The following TTLL12 variants were observed in gnomAD, a reference collection of about 807,000 sequenced individuals.
TTLL12 encodes the protein tubulin tyrosine ligase like 12, also known as tubulin--tyrosine ligase-like protein 12.
In TTLL12, 77 loss-of-function variants were observed where a neutral mutation model predicts 79.6. That is an observed-to-expected ratio of 0.97 (90% CI 0.81 to 1.17). The LOEUF (loss-of-function observed/expected upper bound fraction) is 1.17, where lower values mean the gene tolerates loss of function less well. Among genes scored for constraint, TTLL12 ranks in the 50% most tolerant of loss-of-function variants. TTLL12 has a pLI of 0.00. For synonymous variants in TTLL12, 437 were observed against 376.1 expected, an observed-to-expected ratio of 1.16 and a Z score of -1.87; for missense variants, 969 against 895.9, an observed-to-expected ratio of 1.08 and a Z score of -1.04.
rs746366836 is a variant in TTLL12, at chr22:43,180,733, C to T, written c.546+9G>A. 1.2e-6 allele frequency: 2 copies of T among 1,612,458 alleles called. No individual in the cohort carries two copies. The highest frequency in any genetic ancestry group is 8.5e-7 in the Non-Finnish European group (1 of 1,179,770). On this transcript the variant is annotated intron_variant, in intron 3 of 13. Transcript: ENST00000216129. ...CCTCCCCCTCCCCGGGGCCCAGCTA[C>T]CCACTCACCCCATGGGCCAGCTGGT...
At chr22:43,171,686 T>C (rs1403169111) in intron 11 of TTLL12, 133 bp downstream of exon 11, 21 of 672,750 alleles carry the variant, frequency 3.1e-5, no homozygotes, top group South Asian at 5.4e-5. Context: ...TCGCCTTCCA[T>C]AGCAGGAACT....
chr22:43,168,679 C>T (rs2147065138), intron 13 of TTLL12, 95 bp downstream of exon 13: 1 of 1,499,624 alleles, frequency 6.7e-7, no homozygotes, highest in East Asian at 2.5e-5. Context: ...AGCCAGAGGA[C>T]AGCCTGGGGC....
rs995173076 is a variant in TTLL12 at position 43,167,906 on chromosome 22, C to G, written c.*102G>C. 6.8e-7 allele frequency: 1 copy of G among 1,466,936 alleles called. No homozygotes were observed. Among genetic ancestry groups the G allele is most frequent in the Non-Finnish European group, 9.3e-7 (1 of 1,076,812 alleles). 90.9% of individuals were successfully genotyped at this position (1,466,936 alleles called of 1,614,324 possible). ...AGAGGCCTGGGGCTGAGGCTATGCC[C>G]AGGGCCGGTGTGGGGAGGGACATGG... On this transcript the variant is annotated 3_prime_UTR_variant, in exon 14 of 14. Coordinates refer to ENST00000216129, the MANE Select transcript of TTLL12 (RefSeq NM_015140.4).
In TTLL12 at chr22:43,174,632, A is replaced by G. The variant is rs769795595; in HGVS notation, c.918-17T>C. 5.1e-6 allele frequency: 8 copies of G among 1,574,186 alleles called. No homozygotes were observed. The highest frequency in any genetic ancestry group is 6.9e-6 in the Non-Finnish European group (8 of 1,153,788). On this transcript the variant is annotated splice_polypyrimidine_tract_variant and intron_variant, in intron 6 of 13. Transcript: ENST00000216129. ...GTGTAGACCCTGTGGGGAGAGCCCG[A>G]GCTGGGTGATCCCGGCTCCCAAGTG...
chr22:43,180,016 A>G lies in TTLL12; in HGVS notation c.547-16T>C. The G allele has an allele frequency of 6.4e-7, 1 of 1,566,250 alleles. No homozygotes were observed. The highest frequency in any genetic ancestry group is 8.6e-7 in the Non-Finnish European group (1 of 1,156,564). ...CCTCAGCTGTCTGCAGACAGAGCAC[A>G]TATGGCACCTCTCGCTCACCCATCC... On this transcript the variant is annotated splice_polypyrimidine_tract_variant and intron_variant, in intron 3 of 13. Coordinates refer to ENST00000216129, the MANE Select transcript of TTLL12 (RefSeq NM_015140.4).
rs745614356 is a variant in TTLL12, at chr22:43,183,105, C to T, written c.222G>A (p.Glu74=). The T allele has an allele frequency of 1.7e-5, 28 of 1,613,882 alleles. No individual in the cohort carries two copies. Among genetic ancestry groups the T allele is most frequent in the Admixed American group, 5.0e-5 (3 of 60,008 alleles). ...CTGCCTCGTCCTCCTCCTCTTCTAC[C>T]TCCTCCACTTGCATGATCCCAAACA... The part of the protein sequence containing the change: ...GEVFGIMQVE[E]VEEEEDEAAR... The change falls in exon 2 of 14, where the codon GAG becomes GAA. Residue 74 remains glutamate, a synonymous_variant. Transcript: ENST00000216129.
intron 9 of TTLL12, 102 bp from the exon 10 acceptor site, chr22:43,172,656 ACTC>A: frequency 7.7e-7 from 1 of 1,300,050 alleles, no homozygotes; most frequent in Admixed American, 2.0e-5. Flanking sequence ...GCTGCACTTT[ACTC>A]CTCCTTCTGC....
Position 43,168,148 on chromosome 22 carries a change from T to C in TTLL12, c.1795A>G (p.Met599Val), listed in dbSNP as rs1252241740. 14 of 1,613,938 alleles carry C rather than the reference T, an allele frequency of 8.7e-6. No homozygotes were observed. Among genetic ancestry groups the C allele is most frequent in the Non-Finnish European group, 1.2e-5 (14 of 1,179,956 alleles). The change falls in exon 14 of 14, where the codon ATG (methionine) becomes GTG (valine). Residue 599 changes from methionine (M) to valine (V), a missense_variant. By Grantham distance (21) the Met-to-Val change is conservative. Transcript: ENST00000216129. ...TTCACCTCCAGGATCTGCGGCTGCA[T>C]CACCCGCCTTCCTGATGGCAAAGAG... The part of the protein sequence containing the change: ...WDNGPDGRRV[M>V]QPQILEVNFN...
chr22:43,179,801 C>T (rs1932007366), intron 4 of TTLL12, 40 bp downstream of exon 4: 2 of 1,553,272 alleles, frequency 1.3e-6, no homozygotes, highest in African/African-American at 1.4e-5. Context: ...GGACACTGGG[C>T]TGAGGCCCCT....
At chr22:43,177,625 T>C (rs1931948892) in intron 5 of TTLL12, among the ~76,000 whole-genome samples, 1 of 152,182 alleles carries the variant, frequency 6.6e-6, no homozygotes, top group Non-Finnish European at 1.5e-5. Flanking sequence ...ACCTGAGCAC[T>C]CTTATGGAGA....
chr22:43,175,304 C>T (rs1353597659), intron 6 of TTLL12: 2 of 152,300 alleles, frequency 1.3e-5, no homozygotes, highest in African/African-American at 4.8e-5. Context: ...CCCGCCTGGA[C>T]CTGCCGGCCT....
intron 9 of TTLL12, among the ~76,000 whole-genome samples, 196 bp downstream of exon 9, chr22:43,173,519 G>A (rs1931818278): frequency 6.6e-6 from 1 of 152,162 alleles, no homozygotes; most frequent in Non-Finnish European, 1.5e-5. Flanking sequence ...GTCTCCCTAT[G>A]TTGCTCAGGT....
intron 11 of TTLL12, chr22:43,171,563 TC>T: frequency 2.3e-6 from 1 of 432,140 alleles, no homozygotes; most frequent in Non-Finnish European, 4.3e-6. Context: ...GCTGGACCCA[TC>T]CCCCTCTGTG....
At chr22:43,170,177 G>C (rs1375876321) in intron 11 of TTLL12, 2 of 347,488 alleles carry the variant, frequency 5.8e-6, no homozygotes, top group Non-Finnish European at 1.1e-5. Flanking sequence ...CCCAGGCACA[G>C]AGCTCCAGGA....
chr22:43,176,279 C>G lies in TTLL12; in HGVS notation c.917+41G>C, dbSNP rs559080329. The G allele has an allele frequency of 2.1e-6, 3 of 1,455,300 alleles. No homozygotes were observed. The South Asian group carries it at 3.6e-5, about 17-fold the overall frequency. 90.1% of individuals were successfully genotyped at this position (1,455,300 alleles called of 1,614,324 possible). On this transcript the variant is annotated intron_variant, in intron 6 of 13. Transcript: ENST00000216129. Reference sequence around the variant, plus strand: ...CACGAAGCATGGGAGGCGGGGACTGCGGACAAGTCCCAGCCCAAGCAGTGG... The same window carrying G: ...CACGAAGCATGGGAGGCGGGGACTGGGGACAAGTCCCAGCCCAAGCAGTGG...
chr22:43,168,038 G>A lies in TTLL12; in HGVS notation c.1905C>T (p.Pro635=), dbSNP rs1348273118. 25 of 1,613,976 alleles carry A rather than the reference G, an allele frequency of 1.5e-5. 1 individual carries two copies. The highest frequency in any genetic ancestry group is 3.3e-5 in the Admixed American group (2 of 60,002). The change falls in exon 14 of 14, where the codon CCC becomes CCT. Residue 635 remains proline, a synonymous_variant. Transcript: ENST00000216129. ...DVFSTLFLDQ[P]GGCHVTCLV is the part of the protein sequence containing the mutation. ...CAAGGCAGGTAACGTGGCAGCCACC[G>A]GGCTGGTCCAGAAACAAGGTGCTGA... is the stretch of plus-strand genomic sequence containing the variant.
chr22:43,168,061 T>C lies in TTLL12; in HGVS notation c.1882A>G (p.Ser628Gly). ...YHPTFFNDVF[S>G]TLFLDQPGGC... ...CCGGGCTGGTCCAGAAACAAGGTGCTGAAGACGTCGTTGAAGAAGGTGGGG... is the reference window on the plus strand; with the variant it reads ...CCGGGCTGGTCCAGAAACAAGGTGCCGAAGACGTCGTTGAAGAAGGTGGGG... The change falls in exon 14 of 14, where the codon AGC becomes GGC. Residue 628 changes from serine (S) to glycine (G), a missense_variant. Transcript: ENST00000216129. 6.2e-7 allele frequency: 1 copy of C among 1,614,114 alleles called. No individual in the cohort carries two copies. Among genetic ancestry groups the C allele is most frequent in the Non-Finnish European group, 8.5e-7 (1 of 1,179,990 alleles).
chr22:43,176,302 T>TGG lies in TTLL12; in HGVS notation c.917+16_917+17dup, dbSNP rs11315075. 10,163 of 1,483,612 alleles carry TGG rather than the reference T, an allele frequency of 6.9e-3. 9 individuals carry two copies. Among genetic ancestry groups the TGG allele is most frequent in the Admixed American group, 7.7e-3 (392 of 50,632 alleles). 91.9% of individuals were successfully genotyped at this position (1,483,612 alleles called of 1,614,324 possible). On this transcript the variant is annotated intron_variant, in intron 6 of 13. Transcript: ENST00000216129. ...TGCGGACAAGTCCCAGCCCAAGCAG[T>TGG]GGGGGGGGGCTACGCACTTGAAGAT...
At chr22:43,181,016 G>T in intron 2 of TTLL12, 76 bp from the exon 3 acceptor site, 1 of 1,478,762 alleles carries the variant, frequency 6.8e-7, no homozygotes, top group Non-Finnish European at 9.1e-7. Context: ...AAGAGGCCCA[G>T]GGCTGTGTTG....
Sources: gnomAD v4.1 joint callset for allele counts (sites outside exome capture counted in the v4.1 genomes callset) on GRCh38, gnomAD v4.1.1 for gene constraint, MANE v1.5 for transcripts, NCBI Gene and HGNC (gene_info 2026-07-23, HGNC 2026-07-21) for gene names.